The following COL6A6 variants were observed in gnomAD, a reference collection of about 807,000 sequenced individuals.
COL6A6 encodes collagen type VI alpha 6 chain, also known as collagen alpha-6(VI) chain.
In COL6A6, 183 loss-of-function variants were observed where a neutral mutation model predicts 208.6. That is an observed-to-expected ratio of 0.88 (90% CI 0.78 to 0.99). The LOEUF (loss-of-function observed/expected upper bound fraction) is 0.99. COL6A6 is among the 50% of genes least tolerant of loss of function. The pLI is 0.00. For missense variants in COL6A6, 2,816 were observed against 2,815.2 expected, an observed-to-expected ratio of 1.00 and a Z score of -0.01; for synonymous variants, 973 against 1,011.8, an observed-to-expected ratio of 0.96 and a Z score of 0.73.
intron 28 of COL6A6, among the ~76,000 whole-genome samples, chr3:130,639,481 C>T (rs2065249983): frequency 6.6e-6 from 1 of 152,022 alleles, no homozygotes; most frequent in Non-Finnish European, 1.5e-5. Context: ...TTGCTTCAGC[C>T]CAGCAGTTTG....
At chr3:130,523,984 C>T (rs1026816523) in intron 1 of COL6A6, among the ~76,000 whole-genome samples, 12 of 152,170 alleles carry the variant, frequency 7.9e-5, no homozygotes, top group Middle Eastern at 3.4e-3. Flanking sequence ...AGTTATTCCC[C>T]GCTCCTCCGT....
In COL6A6 at chr3:130,574,426, G is replaced by A. The variant is rs148700491; in HGVS notation, c.3448G>A (p.Gly1150Arg). ...VDDQQLIQITGTAEKKLTVHN... is the reference protein window; with the variant it reads ...VDDQQLIQITRTAEKKLTVHN... ...TGACCAGCAGCTCATTCAGATCACC[G>A]GGACTGCAGAGAAAAAACTGACAGT... is the stretch of plus-strand genomic sequence containing the variant. Residue 1150 changes from glycine to arginine, a missense_variant, in exon 8 of 37, where the codon GGG (glycine) becomes AGG (arginine). By Grantham distance (125) the Gly-to-Arg change is moderately radical. Coordinates refer to ENST00000358511, the MANE Select transcript of COL6A6 (RefSeq NM_001102608.3). 82 of 1,613,988 alleles carry A rather than the reference G, an allele frequency of 5.1e-5. No homozygotes were observed. In the African/African-American group the frequency reaches 7.7e-4, roughly 15 times the overall value.
intron 14 of COL6A6, 22 bp from the exon 15 acceptor site, chr3:130,592,674 A>G (rs373927817): frequency 5.8e-5 from 93 of 1,612,984 alleles, no homozygotes; most frequent in Non-Finnish European, 7.5e-5. Flanking sequence ...TACACTAACT[A>G]TAACTGTCCT....
rs755694556 is a variant in COL6A6, at chr3:130,676,711, TCTTA to T, written c.*1319_*1322del. 6.6e-6 allele frequency: 1 copy of T among 152,236 alleles called. No homozygotes were observed. The highest frequency in any genetic ancestry group is 2.4e-5 in the African/African-American group (1 of 41,466). The allele number at this position is 152,236 out of a possible 1,614,324, so 9.4% of individuals were successfully genotyped here. ...ATTTTTTTAAAACGACTTCTGCTAT[TCTTA>T]CTTAGAGAAATCCAGTGATAGCACC... On this transcript the variant is annotated 3_prime_UTR_variant, in exon 37 of 37. Coordinates refer to ENST00000358511, the MANE Select transcript of COL6A6 (RefSeq NM_001102608.3).
In COL6A6 at chr3:130,571,306, G is replaced by A. The variant is rs753052794; in HGVS notation, c.2890G>A (p.Asp964Asn). 35 of 1,613,820 alleles carry A rather than the reference G, an allele frequency of 2.2e-5. No homozygotes were observed. In the South Asian group the frequency reaches 2.5e-4, roughly 12 times the overall value. Residue 964 changes from aspartate (D) to asparagine (N), a missense_variant, in exon 7 of 37, where the codon GAC becomes AAC. By Grantham distance (23) the Asp-to-Asn change is conservative. Transcript: ENST00000358511. The stretch of plus-strand genomic sequence containing the variant: ...GCTGTTAGCCATGGCAGGATCAAGC[G>A]ACAAGTACTTCTTCGTGGAGACTTT... ...VELLAMAGSSDKYFFVETFGG... is the reference protein window; with the variant it reads ...VELLAMAGSSNKYFFVETFGG...
Position 130,581,996 on chromosome 3 carries a change from C to A in COL6A6, c.3898C>A (p.Leu1300Ile). 2 of 1,607,880 alleles carry A rather than the reference C, an allele frequency of 1.2e-6. No individual in the cohort carries two copies. Among genetic ancestry groups the A allele is most frequent in the South Asian group, 1.1e-5 (1 of 90,170 alleles). ...TTTTTGAATACTTTCTTAGGTGGTC[C>A]TTTTATTTTCAGATGGATTGGATGA... Reference protein sequence around the residue: ...NKSAARGKVVLLFSDGLDDDV... With the variant: ...NKSAARGKVVILFSDGLDDDV... The change falls in exon 10 of 37, where the codon CTT becomes ATT. Residue 1300 changes from leucine (L) to isoleucine (I), a missense_variant. Leu to Ile is a conservative substitution (Grantham distance 5, BLOSUM62 2). Coordinates refer to ENST00000358511, the MANE Select transcript of COL6A6 (RefSeq NM_001102608.3).
chr3:130,648,331 AT>A (rs2065520725), intron 32 of COL6A6, among the ~76,000 whole-genome samples: 3 of 152,376 alleles, frequency 2.0e-5, no homozygotes, highest in South Asian at 4.1e-4. Flanking sequence ...AATGATAATT[AT>A]AACAGCAATG....
Position 130,589,152 on chromosome 3 carries a change from A to T in COL6A6, c.4188A>T (p.Thr1396=). Residue 1396 remains threonine, a synonymous_variant, in exon 12 of 37, where the codon ACA becomes ACT. Transcript: ENST00000358511. ...LFCKCIGGDG[T]MGDPGPPGKR... is the part of the protein sequence containing the mutation. ...GCAAGTGCATTGGAGGAGATGGCAC[A>T]ATGGGAGATCCTGGACCACCAGGGA... The T allele has an allele frequency of 6.2e-7, 1 of 1,613,908 alleles. No individual in the cohort carries two copies. The highest frequency in any genetic ancestry group is 8.5e-7 in the Non-Finnish European group (1 of 1,179,798).
At chr3:130,541,588 A>T (rs1250178207) in intron 1 of COL6A6, among the ~76,000 whole-genome samples, 1 of 152,190 alleles carries the variant, frequency 6.6e-6, no homozygotes. Flanking sequence ...CAGAGTTCAT[A>T]TTGTTCAAAC....
At chr3:130,660,684 C>T (rs994013972) in intron 34 of COL6A6, among the ~76,000 whole-genome samples, 1 of 152,220 alleles carries the variant, frequency 6.6e-6, no homozygotes, top group Admixed American at 6.5e-5. Flanking sequence ...CCAGTGGTGA[C>T]TTGGCTAGGG....
At chr3:130,655,387 C>A (rs1408862010) in intron 33 of COL6A6, among the ~76,000 whole-genome samples, 1 of 152,190 alleles carries the variant, frequency 6.6e-6, no homozygotes, top group African/African-American at 2.4e-5. Context: ...CCAGCTTCTG[C>A]CTGACCCAGT....
chr3:130,563,987 T>G (rs77852393), intron 3 of COL6A6, among the ~76,000 whole-genome samples: 1,579 of 152,354 alleles, frequency 0.01, 26 homozygotes, highest in African/African-American at 0.036. Flanking sequence ...GTTTTAGTAC[T>G]GGTTCATTGA....
chr3:130,668,371 G>C (rs1213848069), intron 36 of COL6A6, among the ~76,000 whole-genome samples: 2 of 151,974 alleles, frequency 1.3e-5, no homozygotes, highest in Admixed American at 6.6e-5. Flanking sequence ...CCAGCTACTC[G>C]GGAGGCTGAG....
rs766036382 is a variant in COL6A6 at position 130,662,309 on chromosome 3, G to GT, written c.6502+2dup. The GT allele has an allele frequency of 1.4e-5, 22 of 1,607,906 alleles. No homozygotes were observed. The highest frequency in any genetic ancestry group is 1.1e-4 in the African/African-American group (8 of 74,756). ...AAGTCCTTTATAAACTCAATCAGGC[G>GT]TAAGTCATAAAATCTGTTGTTCTCT... On this transcript the variant is annotated splice_donor_variant, in intron 35 of 36. Transcript: ENST00000358511. LOFTEE classifies it high-confidence loss of function.
rs1357520495 is a variant in COL6A6 at position 130,649,528 on chromosome 3, T to C, written c.5699T>C (p.Phe1900Ser). Residue 1900 changes from phenylalanine to serine, a missense_variant, in exon 33 of 37, where the codon TTC becomes TCC. Physicochemically the swap from Phe to Ser is radical, Grantham distance 155. Coordinates refer to ENST00000358511, the MANE Select transcript of COL6A6 (RefSeq NM_001102608.3). ...ALEIIPVVIT[F>S]SNVPSVRRAF... The stretch of plus-strand genomic sequence containing the variant: ...GAAATCATTCCCGTGGTGATCACTT[T>C]CAGCAACGTGCCCTCGGTCAGGCGC... 5.6e-6 allele frequency: 9 copies of C among 1,599,820 alleles called. No homozygotes were observed. The highest frequency in any genetic ancestry group is 6.8e-6 in the Non-Finnish European group (8 of 1,172,514).
At chr3:130,673,801 AAAAC>A (rs1216252655) in intron 36 of COL6A6, among the ~76,000 whole-genome samples, 4 of 152,120 alleles carry the variant, frequency 2.6e-5, no homozygotes, top group Admixed American at 6.5e-5. Context: ...CTCCAAAAAT[AAAAC>A]AATTAGCCAG....
chr3:130,665,721 T>C (rs2066058840), intron 36 of COL6A6, among the ~76,000 whole-genome samples: 1 of 152,128 alleles, frequency 6.6e-6, no homozygotes, highest in African/African-American at 2.4e-5. Flanking sequence ...CTAATAAATG[T>C]AGAAGGAATG....
At chr3:130,671,289 A>G (rs2066208772) in intron 36 of COL6A6, among the ~76,000 whole-genome samples, 1 of 152,148 alleles carries the variant, frequency 6.6e-6, no homozygotes, top group Admixed American at 6.5e-5. Context: ...GCATTTTTGA[A>G]AACCACTCCT....
At chr3:130,656,616 C>T (rs1370754279) in intron 33 of COL6A6, among the ~76,000 whole-genome samples, 3 of 152,168 alleles carry the variant, frequency 2.0e-5, no homozygotes, top group African/African-American at 7.2e-5. Context: ...GCTTCGGGCT[C>T]CCCCTGGCTT....
Sources: gnomAD v4.1 joint callset for allele counts (sites outside exome capture counted in the v4.1 genomes callset) on GRCh38, gnomAD v4.1.1 for gene constraint, MANE v1.5 for transcripts, NCBI Gene and HGNC (gene_info 2026-07-23, HGNC 2026-07-21) for gene names.